Variants in MTMR6 observed in about 807,000 individuals in gnomAD.
MTMR6 encodes phosphatidylinositol-3,5-bisphosphate 3-phosphatase MTMR6.
Under a neutral mutation model 80.1 loss-of-function variants are expected in MTMR6, and 47 were observed. The ratio of observed to expected loss-of-function variants is 0.59; its 90% CI spans 0.46 to 0.75. MTMR6 has a LOEUF of 0.75. Among genes scored for constraint, MTMR6 ranks in the 30% least tolerant of loss-of-function variants. The pLI, the probability that MTMR6 is intolerant of heterozygous loss-of-function variation, is 0.00. For synonymous variants in MTMR6, 254 were observed against 253.0 expected, an observed-to-expected ratio of 1.00 and a Z score of -0.04; for missense variants, 629 against 730.9, an observed-to-expected ratio of 0.86 and a Z score of 1.61.
chr13:25,257,120 A>G (rs1216467893), intron 9 of MTMR6, 76 bp downstream of exon 9: 1 of 1,444,126 alleles, frequency 6.9e-7, no homozygotes, highest in Non-Finnish European at 9.4e-7. Flanking sequence ...TGTCTCCAAC[A>G]TTGCCAAATG....
At chr13:25,256,154 C>T (rs1259535030) in intron 9 of MTMR6, among the ~76,000 whole-genome samples, 1 of 152,220 alleles carries the variant, frequency 6.6e-6, no homozygotes, top group East Asian at 1.9e-4. Context: ...TATTCTAATA[C>T]TCACTCTGAA....
Position 25,247,110 on chromosome 13 carries a change from G to A in MTMR6, c.*2122C>T, listed in dbSNP as rs1956994695. The A allele has an allele frequency of 6.6e-6, 1 of 151,892 alleles. No homozygotes were observed. Among genetic ancestry groups the A allele is most frequent in the African/African-American group, 2.4e-5 (1 of 41,352 alleles). 9.4% of individuals were successfully genotyped at this position (151,892 alleles called of 1,614,324 possible). ...AATATTCTGGAAATTATTTTTGTAT[G>A]AAACAGGTATTATTTATCAACAAAC... On this transcript the variant is annotated 3_prime_UTR_variant, in exon 14 of 14. Transcript: ENST00000381801.
intron 1 of MTMR6, among the ~76,000 whole-genome samples, chr13:25,280,795 CAAACGAA>C (rs1237835779): frequency 6.6e-6 from 1 of 151,984 alleles, no homozygotes; most frequent in Admixed American, 6.6e-5. Context: ...AAAGAAAGAA[CAAACGAA>C]AAACGAAAAT....
At chr13:25,282,027 G>C (rs926571112) in intron 1 of MTMR6, among the ~76,000 whole-genome samples, 10 of 152,068 alleles carry the variant, frequency 6.6e-5, no homozygotes, top group Admixed American at 2.0e-4. Flanking sequence ...ACAGTAACTT[G>C]CCCCTGTCCC....
intron 2 of MTMR6, among the ~76,000 whole-genome samples, chr13:25,269,463 T>C (rs542244019): frequency 1.3e-5 from 2 of 152,300 alleles, no homozygotes; most frequent in East Asian, 3.9e-4. Flanking sequence ...TAAAAATGCC[T>C]ACTTTTTCTT....
chr13:25,260,847 C>T (rs970614084), intron 6 of MTMR6, among the ~76,000 whole-genome samples: 2 of 152,118 alleles, frequency 1.3e-5, no homozygotes, highest in African/African-American at 4.8e-5. Flanking sequence ...CCATAGCACA[C>T]AAGATGCCTA....
At chr13:25,268,066 TCA>T (rs2137576656) in intron 2 of MTMR6, 125 bp from the exon 3 acceptor site, 4 of 907,646 alleles carry the variant, frequency 4.4e-6, no homozygotes, top group African/African-American at 1.7e-5. Flanking sequence ...CACTCAAACT[TCA>T]CGTTTTTAAA....
intron 13 of MTMR6, 81 bp from the exon 14 acceptor site, chr13:25,249,573 C>T: frequency 2.2e-6 from 3 of 1,375,172 alleles, no homozygotes; most frequent in Non-Finnish European, 3.0e-6. Flanking sequence ...CATGCTTTTG[C>T]AAAATATGTT....
chr13:25,257,350 C>T (rs150151685), intron 8 of MTMR6, 29 bp from the exon 9 acceptor site: 13 of 1,610,604 alleles, frequency 8.1e-6, no homozygotes, highest in East Asian at 4.5e-5. Flanking sequence ...TACATTCTAG[C>T]GTACTTTAAG....
chr13:25,279,018 CT>C (rs1957785922), intron 1 of MTMR6, among the ~76,000 whole-genome samples: 2 of 152,300 alleles, frequency 1.3e-5, no homozygotes, highest in South Asian at 2.1e-4. Flanking sequence ...CAAAAATGTA[CT>C]GGCTATCAAC....
intron 8 of MTMR6, 134 bp from the exon 9 acceptor site, chr13:25,257,455 C>CA: frequency 9.8e-7 from 1 of 1,017,516 alleles, no homozygotes; most frequent in Non-Finnish European, 1.4e-6. Flanking sequence ...GCATAATTTC[C>CA]AAAATACACA....
In MTMR6 at chr13:25,266,164, G is replaced by T. The variant is rs1302290106; in HGVS notation, c.427C>A (p.His143Asn). 1 of 1,613,872 alleles carries T rather than the reference G, an allele frequency of 6.2e-7. No homozygotes were observed. Among genetic ancestry groups the T allele is most frequent in the Non-Finnish European group, 8.5e-7 (1 of 1,180,006 alleles). ...CGGTTGGCATCAGACAACTGCCAGT[G>T]TGAGTTTGGCACTCCCATCCTCTTA... ...EYKRMGVPNS[H>N]WQLSDANRDY... The change falls in exon 4 of 14, where the codon CAC becomes AAC. Residue 143 changes from histidine (H) to asparagine (N), a missense_variant. Physicochemically the swap from His to Asn is moderately conservative, Grantham distance 68. Transcript: ENST00000381801.
In MTMR6 at chr13:25,253,802, G is replaced by C; in HGVS notation, c.1308C>G (p.Asn436Lys). The C allele has an allele frequency of 1.2e-6, 2 of 1,614,118 alleles. No homozygotes were observed. Among genetic ancestry groups the C allele is most frequent in the Non-Finnish European group, 1.7e-6 (2 of 1,179,996 alleles). The change falls in exon 11 of 14, where the codon AAC (asparagine) becomes AAG (lysine). Residue 436 changes from asparagine to lysine, a missense_variant. Coordinates refer to ENST00000381801, the MANE Select transcript of MTMR6 (RefSeq NM_004685.5). ...HEHIHSCQFG[N>K]FLGNCQKERE... ...TTTCCTTCTGACAATTTCCAAGGAAGTTTCCAAACTGGCATGAATGAATAT... is the reference window on the plus strand; with the variant it reads ...TTTCCTTCTGACAATTTCCAAGGAACTTTCCAAACTGGCATGAATGAATAT...
chr13:25,282,387 T>C (rs1429779879), intron 1 of MTMR6, among the ~76,000 whole-genome samples: 2 of 152,162 alleles, frequency 1.3e-5, no homozygotes, highest in Non-Finnish European at 2.9e-5. Flanking sequence ...TTTTGTTTAT[T>C]GTTACCTCTT....
At chr13:25,273,137 T>C (rs1018719248) in intron 2 of MTMR6, among the ~76,000 whole-genome samples, 6 of 151,984 alleles carry the variant, frequency 3.9e-5, no homozygotes, top group Non-Finnish European at 8.8e-5. Context: ...AGGCAAAAAA[T>C]TTTAAATTGA....
rs556244209 is a variant in MTMR6, at chr13:25,258,556, A to G, written c.859+4T>C. ...GGTGTCTAAAAAAGTAAGCAATAATATACCTTCCAATAATTTCTGAAGGCT... is the reference window on the plus strand; with the variant it reads ...GGTGTCTAAAAAAGTAAGCAATAATGTACCTTCCAATAATTTCTGAAGGCT... On this transcript the variant is annotated splice_donor_region_variant and intron_variant, in intron 7 of 13. Transcript: ENST00000381801. 3.8e-6 allele frequency: 6 copies of G among 1,588,180 alleles called. No individual in the cohort carries two copies. The highest frequency in any genetic ancestry group is 1.9e-5 in the Admixed American group (1 of 52,588).
rs536624697 is a variant in MTMR6, at chr13:25,262,868, A to G, written c.592-1066T>C. Among the ~76,000 whole-genome samples the G allele has an allele frequency of 3.9e-5, 6 of 152,374 alleles. No individual in the cohort carries two copies. The South Asian group carries it at 6.2e-4, about 16-fold the overall frequency. ...TTCAGACCTACTTTCTGATTTGTTAAGTTGTTCACAGAATAACTATTTTCA... is the reference window on the plus strand; with the variant it reads ...TTCAGACCTACTTTCTGATTTGTTAGGTTGTTCACAGAATAACTATTTTCA... On this transcript the variant is annotated intron_variant, in intron 5 of 13. Coordinates refer to ENST00000381801, the MANE Select transcript of MTMR6 (RefSeq NM_004685.5).
intron 1 of MTMR6, among the ~76,000 whole-genome samples, chr13:25,275,804 T>G (rs1238937002): frequency 6.9e-6 from 1 of 144,514 alleles, no homozygotes; most frequent in Non-Finnish European, 1.5e-5. Context: ...GAGGTTGCGG[T>G]GAGCCAAGAT....
At position 25,248,599 on chromosome 13, in the gene MTMR6, A is replaced by G. The variant is rs1383092349; in HGVS notation, c.*633T>C. 6.6e-6 allele frequency: 1 copy of G among 152,466 alleles called. No homozygotes were observed. Among genetic ancestry groups the G allele is most frequent in the Non-Finnish European group, 1.5e-5 (1 of 68,006 alleles). 9.4% of individuals were successfully genotyped at this position (152,466 alleles called of 1,614,324 possible). A position where few individuals can be genotyped will look rare whatever the true frequency, so the allele number is the denominator to read the frequency against. ...GAACAGTGTACTTCTACAAGTGTTT[A>G]TATAGAAGTATTGTAGCATGCACCC... On this transcript the variant is annotated 3_prime_UTR_variant, in exon 14 of 14. Transcript: ENST00000381801.
Sources: gnomAD v4.1 joint callset for allele counts (sites outside exome capture counted in the v4.1 genomes callset) on GRCh38, gnomAD v4.1.1 for gene constraint, MANE v1.5 for transcripts, NCBI Gene and HGNC (gene_info 2026-07-23, HGNC 2026-07-21) for gene names.